Variants in AHDC1 observed in about 807,000 individuals in gnomAD.
The protein encoded by AHDC1 is transcription factor Gibbin.
In AHDC1, 7 loss-of-function variants were observed where a neutral mutation model predicts 87.9. The ratio of observed to expected loss-of-function variants is 0.08; its 90% CI spans 0.05 to 0.15. AHDC1 has a LOEUF of 0.15. Ranked by LOEUF, AHDC1 falls within the 10% of genes least tolerant of loss-of-function variation. The pLI is 1.00. For missense variants in AHDC1, 1,841 were observed against 2,253.2 expected (o/e 0.82, Z 3.70); for synonymous variants, 1,051 against 1,006.8 (o/e 1.04, Z -0.83).
rs909009423 is a variant in AHDC1, at chr1:27,593,120, G to A, written c.-629+10277C>T. Among the ~76,000 whole-genome samples the A allele has an allele frequency of 6.6e-6, 1 of 152,038 alleles. No individual in the cohort carries two copies. The stretch of plus-strand genomic sequence containing the variant: ...ACACAGGCCTCGGTGGAACGGAGTA[G>A]ACACGGTGTCTCCTCAGGGAAGGCC... On this transcript the variant is annotated intron_variant, in intron 3 of 8. Transcript: ENST00000673934. This position sits in a 1 kb window ranked among gnomAD's most constrained non-coding sequence, Gnocchi z 4.9.
In AHDC1 at chr1:27,547,569, T is replaced by C. The variant is rs1156541677; in HGVS notation, c.4547A>G (p.Lys1516Arg). 1 of 1,609,998 alleles carries C rather than the reference T, an allele frequency of 6.2e-7. No individual in the cohort carries two copies. The highest frequency in any genetic ancestry group is 1.3e-5 in the African/African-American group (1 of 74,868). The change falls in exon 8 of 9, where the codon AAG becomes AGG. Residue 1516 changes from lysine to arginine, a missense_variant. Lys to Arg is a conservative substitution (Grantham distance 26). Coordinates refer to ENST00000673934, the MANE Select transcript of AHDC1 (RefSeq NM_001371928.1). The surrounding 1 kb of genome is among the most constrained non-coding windows in gnomAD (Gnocchi z 4.9). ...ASPPATPKAD[K>R]EPLEMARPPG... ...GGGCCGGGCCATTTCCAGTGGCTCCTTGTCGGCCTTGGGCGTGGCTGGTGG... is the reference window on the plus strand; with the variant it reads ...GGGCCGGGCCATTTCCAGTGGCTCCCTGTCGGCCTTGGGCGTGGCTGGTGG...
chr1:27,551,156 C>A lies in AHDC1; in HGVS notation c.960G>T (p.Leu320=). The change falls in exon 8 of 9, where the codon CTG becomes CTT. Residue 320 remains leucine (L), a synonymous_variant. Coordinates refer to ENST00000673934, the MANE Select transcript of AHDC1 (RefSeq NM_001371928.1). ...PGLALQALDT[L]PDSLESQLLD... is the part of the protein sequence containing the mutation. ...GCAGCTGCGACTCCAAGGAGTCAGG[C>A]AGGGTGTCCAGGGCCTGGAGAGCCA... 1 of 1,606,570 alleles carries A rather than the reference C, an allele frequency of 6.2e-7. No individual in the cohort carries two copies. The highest frequency in any genetic ancestry group is 8.5e-7 in the Non-Finnish European group (1 of 1,177,240).
In AHDC1 at chr1:27,550,993, C is replaced by CG. The variant is rs749294057; in HGVS notation, c.1122dup (p.Gly375ArgfsTer3). 9 of 1,579,260 alleles carry CG rather than the reference C, an allele frequency of 5.7e-6. No homozygotes were observed. Among genetic ancestry groups the CG allele is most frequent in the Non-Finnish European group, 3.4e-6 (4 of 1,169,528 alleles). On this transcript the variant is annotated frameshift_variant, in exon 8 of 9. Transcript: ENST00000673934. LOFTEE classifies it high-confidence loss of function. Reference sequence around the variant, plus strand: ...GCGTACTTGGGGTGACCCTCAGGCCCGGGGGGGCCGTGCGGTGAGCACAAG... The same window carrying CG: ...GCGTACTTGGGGTGACCCTCAGGCCCGGGGGGGGCCGTGCGGTGAGCACAAG...
intron 5 of AHDC1, among the ~76,000 whole-genome samples, chr1:27,553,970 T>C (rs1571251803): frequency 1.3e-5 from 2 of 152,062 alleles, no homozygotes; most frequent in African/African-American, 4.8e-5. Flanking sequence ...GAGGCTGAGG[T>C]GGGAGGATCA....
rs561543489 is a variant in AHDC1, at chr1:27,575,773, G to A, written c.-628-16890C>T. On this transcript the variant is annotated intron_variant, in intron 3 of 8. Coordinates refer to ENST00000673934, the MANE Select transcript of AHDC1 (RefSeq NM_001371928.1). The stretch of plus-strand genomic sequence containing the variant: ...TCCCGCGCCCCGGGCCCGGCGGAAT[G>A]CGTGGCAGCCCCGACCGGGGGCTAT... Among the ~76,000 whole-genome samples the A allele has an allele frequency of 1.8e-4, 27 of 151,838 alleles. No individual in the cohort carries two copies. In the East Asian group the frequency reaches 5.3e-3, roughly 30 times the overall value.
chr1:27,549,359 C>G lies in AHDC1; in HGVS notation c.2757G>C (p.Gln919His), dbSNP rs773496105. The G allele has an allele frequency of 2.4e-5, 39 of 1,612,842 alleles. No individual in the cohort carries two copies. Among genetic ancestry groups the G allele is most frequent in the Non-Finnish European group, 3.2e-5 (38 of 1,179,660 alleles). ...TTGCTGCTCGTCCTGGTGGGAAGGT[C>G]TGGCGCGCGGACAGGACAGGCTGAA... The part of the protein sequence containing the change: ...PSFQPVLSAR[Q>H]TFPPGRAASY... The change falls in exon 8 of 9, where the codon CAG becomes CAC. Residue 919 changes from glutamine to histidine, a missense_variant. By Grantham distance (24) the Gln-to-His change is conservative. Coordinates refer to ENST00000673934, the MANE Select transcript of AHDC1 (RefSeq NM_001371928.1).
chr1:27,596,321 G>A (rs2089370157), intron 3 of AHDC1, among the ~76,000 whole-genome samples: 1 of 152,110 alleles, frequency 6.6e-6, no homozygotes, highest in Non-Finnish European at 1.5e-5. Flanking sequence ...CCTCCACAAA[G>A]CTGCCTGGAG....
At chr1:27,577,810 A>G (rs1049418363) in intron 3 of AHDC1, among the ~76,000 whole-genome samples, 9 of 152,130 alleles carry the variant, frequency 5.9e-5, no homozygotes, top group African/African-American at 2.2e-4. Context: ...CTGAGGTGAC[A>G]CTGGGATAAG....
At position 27,548,813 on chromosome 1, in the gene AHDC1, C is replaced by G. The variant is rs1290485779; in HGVS notation, c.3303G>C (p.Gln1101His). 6.2e-7 allele frequency: 1 copy of G among 1,612,926 alleles called. No individual in the cohort carries two copies. Residue 1101 changes from glutamine (Q) to histidine (H), a missense_variant, in exon 8 of 9, where the codon CAG becomes CAC. Physicochemically the swap from Gln to His is conservative, Grantham distance 24. Coordinates refer to ENST00000673934, the MANE Select transcript of AHDC1 (RefSeq NM_001371928.1). ...AAGGCCACTGAGAAGCCCCCGCAAA[C>G]TGCCGACAGTTCTCGGGCGAGGGCT... Reference protein sequence around the residue: ...SFQPSPENCRQFAGASQWPFR... With the variant: ...SFQPSPENCRHFAGASQWPFR...
chr1:27,537,361 C>A (rs1329811069), intron 8 of AHDC1, among the ~76,000 whole-genome samples: 1 of 152,174 alleles, frequency 6.6e-6, no homozygotes, highest in Non-Finnish European at 1.5e-5. Context: ...GGGTAATTAC[C>A]ACGCAGGGAG....
Position 27,593,704 on chromosome 1 carries a change from C to T in AHDC1, c.-629+9693G>A, listed in dbSNP as rs997321726. ...TGCCCCACCTCTGCTCTGAACCCCTCCCTATCTCACCAATCCCTGCTATCC... is the reference window on the plus strand; with the variant it reads ...TGCCCCACCTCTGCTCTGAACCCCTTCCTATCTCACCAATCCCTGCTATCC... On this transcript the variant is annotated intron_variant, in intron 3 of 8. Transcript: ENST00000673934. The surrounding 1 kb of genome is among the most constrained non-coding windows in gnomAD (Gnocchi z 4.9). Among the ~76,000 whole-genome samples the T allele has an allele frequency of 6.6e-6, 1 of 152,258 alleles. No individual in the cohort carries two copies. Among genetic ancestry groups the T allele is most frequent in the African/African-American group, 2.4e-5 (1 of 41,468 alleles).
Position 27,561,681 on chromosome 1 carries a change from G to C in AHDC1, c.-628-2798C>G, listed in dbSNP as rs1477804787. 2.0e-5 allele frequency among the ~76,000 whole-genome samples: 3 copies of C among 152,140 alleles called. No homozygotes were observed. The highest frequency in any genetic ancestry group is 2.9e-5 in the Non-Finnish European group (2 of 68,024). ...ACACCAGCCGAGACCACACAAGAGAGAGAGAGGAAAAGACAGAGAGAGAGA... is the reference window on the plus strand; with the variant it reads ...ACACCAGCCGAGACCACACAAGAGACAGAGAGGAAAAGACAGAGAGAGAGA... On this transcript the variant is annotated intron_variant, in intron 3 of 8. Coordinates refer to ENST00000673934, the MANE Select transcript of AHDC1 (RefSeq NM_001371928.1). This position sits in a 1 kb window ranked among gnomAD's most constrained non-coding sequence, Gnocchi z 4.2.
At chr1:27,567,567 T>C (rs556448385) in intron 3 of AHDC1, among the ~76,000 whole-genome samples, 61 of 152,114 alleles carry the variant, frequency 4.0e-4, no homozygotes, top group Non-Finnish European at 4.0e-4. Context: ...AGGCTATTGG[T>C]GGGGGCAGTG....
intron 3 of AHDC1, among the ~76,000 whole-genome samples, chr1:27,584,899 G>A (rs930385964): frequency 1.3e-5 from 2 of 152,134 alleles, no homozygotes; most frequent in South Asian, 2.1e-4. Context: ...CAGGACAGGC[G>A]TGGTGGCTCA....
chr1:27,547,225 G>C lies in AHDC1; in HGVS notation c.*43+36C>G. On this transcript the variant is annotated intron_variant, in intron 8 of 8. Transcript: ENST00000673934. The surrounding 1 kb of genome is among the most constrained non-coding windows in gnomAD (Gnocchi z 4.9). ...CTCTGATGTCCTCTTCCCACCCCCA[G>C]GCCTCTGCCCACTGCGCCCACATCC... The C allele has an allele frequency of 7.2e-7, 1 of 1,392,124 alleles. No homozygotes were observed. The highest frequency in any genetic ancestry group is 9.7e-7 in the Non-Finnish European group (1 of 1,031,988). The allele number at this position is 1,392,124 out of a possible 1,614,324, so 86.2% of individuals were successfully genotyped here.
chr1:27,576,496 A>G (rs1299728159), intron 3 of AHDC1, among the ~76,000 whole-genome samples: 3 of 152,176 alleles, frequency 2.0e-5, no homozygotes, highest in Admixed American at 2.0e-4. Flanking sequence ...AGGCCTCCAT[A>G]AAGTAGGTAA....
chr1:27,597,846 T>A (rs2089419363), intron 3 of AHDC1, among the ~76,000 whole-genome samples: 1 of 152,058 alleles, frequency 6.6e-6, no homozygotes, highest in African/African-American at 2.4e-5. Context: ...CCCATCTCTC[T>A]CCTTCTCCAT....
At chr1:27,575,355 C>A (rs963490512) in intron 3 of AHDC1, among the ~76,000 whole-genome samples, 1 of 152,020 alleles carries the variant, frequency 6.6e-6, no homozygotes, top group Non-Finnish European at 1.5e-5. Flanking sequence ...TTCTCCGCCG[C>A]GCAAGCCGGG....
intron 3 of AHDC1, among the ~76,000 whole-genome samples, chr1:27,586,679 C>A (rs2089067717): frequency 1.3e-5 from 2 of 152,110 alleles, no homozygotes. Flanking sequence ...TCCCGGCAAC[C>A]CCAAATATCA....
Sources: gnomAD v4.1 joint callset for allele counts (sites outside exome capture counted in the v4.1 genomes callset) on GRCh38, gnomAD v4.1.1 for gene constraint, Gnocchi (gnomAD v3.1) non-coding constraint, MANE v1.5 for transcripts, NCBI Gene and HGNC (gene_info 2026-07-23, HGNC 2026-07-21) for gene names.